The following FAM219A variants were observed in gnomAD, a reference collection of about 807,000 sequenced individuals.
The protein encoded by FAM219A is family with sequence similarity 219 member A, also known as protein FAM219A.
FAM219A carries 7 observed loss-of-function variants against 23.4 expected under a neutral mutation model. That is an observed-to-expected ratio of 0.30 (90% CI 0.17 to 0.56). The LOEUF (loss-of-function observed/expected upper bound fraction) is 0.56. Among genes scored for constraint, FAM219A ranks in the 20% least tolerant of loss-of-function variants. The pLI, the probability that FAM219A is intolerant of heterozygous loss-of-function variation, is 0.92. For synonymous variants in FAM219A, 93 were observed against 99.0 expected (o/e 0.94, Z 0.36); for missense variants, 166 against 246.9 (o/e 0.67, Z 2.20).
intron 1 of FAM219A, among the ~76,000 whole-genome samples, chr9:34,436,718 G>T (rs1822936082): frequency 1.3e-5 from 2 of 152,162 alleles, no homozygotes; most frequent in Non-Finnish European, 1.5e-5. Context: ...TCACCAACTG[G>T]CTGTGGTAAG....
chr9:34,446,096 CT>C (rs1823359243), intron 1 of FAM219A, among the ~76,000 whole-genome samples: 1 of 151,238 alleles, frequency 6.6e-6, no homozygotes, highest in African/African-American at 2.4e-5. Context: ...TTGCTTGAAC[CT>C]GGGAGGCAGA....
intron 1 of FAM219A, among the ~76,000 whole-genome samples, chr9:34,441,640 A>T (rs937766436): frequency 6.6e-5 from 10 of 152,204 alleles, no homozygotes; most frequent in Non-Finnish European, 1.3e-4. Context: ...TGCTGTACAA[A>T]TGTGAAGGAA....
At chr9:34,426,675 T>G (rs908684565) in intron 1 of FAM219A, among the ~76,000 whole-genome samples, 2 of 152,200 alleles carry the variant, frequency 1.3e-5, no homozygotes, top group South Asian at 4.1e-4. Flanking sequence ...ATGGTGGTGG[T>G]GTGGAATTCC....
intron 1 of FAM219A, among the ~76,000 whole-genome samples, chr9:34,416,122 G>C (rs1821991245): frequency 6.6e-6 from 1 of 151,474 alleles, no homozygotes; most frequent in Admixed American, 6.6e-5. Flanking sequence ...GCTGGAGTGA[G>C]CTATGATTGT....
rs1821358908 is a variant in FAM219A, at chr9:34,399,921, TGAG to T, written c.*1040_*1042del. 1 of 152,576 alleles carries T rather than the reference TGAG, an allele frequency of 6.6e-6. No homozygotes were observed. Among genetic ancestry groups the T allele is most frequent in the Non-Finnish European group, 1.5e-5 (1 of 68,422 alleles). 9.5% of individuals were successfully genotyped at this position (152,576 alleles called of 1,614,324 possible). A position where few individuals can be genotyped will look rare whatever the true frequency, so the allele number is the denominator to read the frequency against. On this transcript the variant is annotated 3_prime_UTR_variant, in exon 6 of 6. Coordinates refer to ENST00000651358, the MANE Select transcript of FAM219A (RefSeq NM_001184940.2). ...ACCCACATCTATGACAGGAATAGAC[TGAG>T]GAGAGACAGGTCCAACAGAGACACA...
intron 1 of FAM219A, among the ~76,000 whole-genome samples, chr9:34,439,161 C>T (rs1366847409): frequency 6.6e-6 from 1 of 152,220 alleles, no homozygotes; most frequent in Non-Finnish European, 1.5e-5. Context: ...AGAAGGAACA[C>T]ACTCCGGACA....
rs74473955 is a variant in FAM219A, at chr9:34,448,861, G to A, written c.60+9343C>T. 7.0e-3 allele frequency among the ~76,000 whole-genome samples: 1,069 copies of A among 152,152 alleles called. 33 individuals are homozygous for A. In the East Asian group the frequency reaches 0.09, roughly 13 times the overall value. On this transcript the variant is annotated intron_variant, in intron 1 of 5. Coordinates refer to ENST00000651358, the MANE Select transcript of FAM219A (RefSeq NM_001184940.2). ...GACTCACAGGGGAAGGGTGGGAGAA[G>A]GATGAGGGATAAAAGACTACATGTT...
At chr9:34,440,622 G>A (rs561103042) in intron 1 of FAM219A, among the ~76,000 whole-genome samples, 10 of 152,086 alleles carry the variant, frequency 6.6e-5, no homozygotes, top group African/African-American at 2.2e-4. Flanking sequence ...AGGCCGAGGC[G>A]GGCGGATCAC....
chr9:34,451,919 G>A (rs1334834769), intron 1 of FAM219A, among the ~76,000 whole-genome samples: 1 of 152,150 alleles, frequency 6.6e-6, no homozygotes, highest in African/African-American at 2.4e-5. Flanking sequence ...CAGTGATGTA[G>A]TAATACATAT....
intron 1 of FAM219A, among the ~76,000 whole-genome samples, chr9:34,454,713 A>G (rs780706786): frequency 3.9e-5 from 6 of 152,220 alleles, no homozygotes; most frequent in Non-Finnish European, 7.3e-5. Flanking sequence ...GGAAACACCC[A>G]GATCTGCTGG....
intron 3 of FAM219A, 100 bp downstream of exon 3, chr9:34,402,605 A>T: frequency 6.4e-7 from 1 of 1,552,686 alleles, no homozygotes; most frequent in Non-Finnish European, 8.8e-7. Flanking sequence ...CCTCTCAGAG[A>T]GGAGCTGGGC....
In FAM219A at chr9:34,400,919, C is replaced by T. The variant is rs772581463; in HGVS notation, c.*45G>A. The T allele has an allele frequency of 6.7e-6, 10 of 1,487,460 alleles. No individual in the cohort carries two copies. The highest frequency in any genetic ancestry group is 4.3e-5 in the African/African-American group (3 of 70,270). The allele number at this position is 1,487,460 out of a possible 1,614,324, so 92.1% of individuals were successfully genotyped here. On this transcript the variant is annotated 3_prime_UTR_variant, in exon 6 of 6. Coordinates refer to ENST00000651358, the MANE Select transcript of FAM219A (RefSeq NM_001184940.2). ...GGGGTCGGCCTCTGCCCGTCCTACC[C>T]GGCCCTTGGCGGCCCCGCCCCGGCG...
intron 1 of FAM219A, among the ~76,000 whole-genome samples, chr9:34,437,871 TC>T (rs1822981141): frequency 6.6e-6 from 1 of 152,210 alleles, no homozygotes; most frequent in Non-Finnish European, 1.5e-5. Flanking sequence ...GGAGCCCCTT[TC>T]TGGGCTGGCC....
chr9:34,405,818 T>A (rs756114136), intron 2 of FAM219A, 47 bp downstream of exon 2: 1 of 1,570,150 alleles, frequency 6.4e-7, no homozygotes, highest in Non-Finnish European at 8.7e-7. Context: ...CAGCCCAGAG[T>A]ATCTTGCCTA....
chr9:34,419,204 G>C (rs762181289), intron 1 of FAM219A, among the ~76,000 whole-genome samples: 11 of 152,094 alleles, frequency 7.2e-5, no homozygotes, highest in Non-Finnish European at 1.3e-4. Context: ...AGCAAAATAA[G>C]AAGGTGTGTG....
chr9:34,426,836 C>T (rs1336096664), intron 1 of FAM219A, among the ~76,000 whole-genome samples: 2 of 152,142 alleles, frequency 1.3e-5, no homozygotes, highest in Non-Finnish European at 2.9e-5. Context: ...AGGTGAGGAC[C>T]ATTCCATTTG....
rs574928574 is a variant in FAM219A at position 34,457,262 on chromosome 9, C to G, written c.60+942G>C. Among the ~76,000 whole-genome samples, 4 of 152,354 alleles carry G rather than the reference C, an allele frequency of 2.6e-5. No homozygotes were observed. In the East Asian group the frequency reaches 7.7e-4, roughly 29 times the overall value. On this transcript the variant is annotated intron_variant, in intron 1 of 5. Coordinates refer to ENST00000651358, the MANE Select transcript of FAM219A (RefSeq NM_001184940.2). The surrounding 1 kb of genome is among the most constrained non-coding windows in gnomAD (Gnocchi z 5.1). ...TGGCTAGGCCTCCACGTCTCCCACC[C>G]GGTTGCCTGACAGACAAGCGAGGTC...
At chr9:34,432,905 C>A (rs898993866) in intron 1 of FAM219A, among the ~76,000 whole-genome samples, 24 of 152,026 alleles carry the variant, frequency 1.6e-4, no homozygotes, top group African/African-American at 5.1e-4. Flanking sequence ...ACAATGTTGC[C>A]CACACTAGTC....
At chr9:34,449,226 C>T (rs1284909083) in intron 1 of FAM219A, among the ~76,000 whole-genome samples, 48 of 152,044 alleles carry the variant, frequency 3.2e-4, no homozygotes, top group Non-Finnish European at 1.5e-5. Flanking sequence ...GTCCTAGTTA[C>T]TTGGGAGGCT....
Sources: gnomAD v4.1 joint callset for allele counts (sites outside exome capture counted in the v4.1 genomes callset) on GRCh38, gnomAD v4.1.1 for gene constraint, Gnocchi (gnomAD v3.1) non-coding constraint, MANE v1.5 for transcripts, NCBI Gene and HGNC (gene_info 2026-07-23, HGNC 2026-07-21) for gene names.